TAF3: variants seen among roughly 807,000 people sequenced by gnomAD.
The protein encoded by TAF3 is transcription initiation factor TFIID subunit 3.
Under a neutral mutation model 80.6 loss-of-function variants are expected in TAF3, and 7 were observed. The observed-to-expected ratio is 0.09, with a 90% CI of 0.05 to 0.16. TAF3 has a LOEUF of 0.16. Among genes scored for constraint, TAF3 ranks in the 10% least tolerant of loss-of-function variants. The pLI, the probability that TAF3 is intolerant of heterozygous loss-of-function variation, is 1.00. For synonymous variants in TAF3, 444 were observed against 446.1 expected, an observed-to-expected ratio of 1.00 and a Z score of 0.06; for missense variants, 921 against 1,140.2, an observed-to-expected ratio of 0.81 and a Z score of 2.77.
intron 4 of TAF3, among the ~76,000 whole-genome samples, chr10:7,987,663 A>G (rs1445531603): frequency 3.9e-5 from 6 of 152,230 alleles, no homozygotes; most frequent in Admixed American, 6.5e-5. Flanking sequence ...GTACATGAGG[A>G]TGAAATGACC....
chr10:7,853,545 T>C (rs1219237887), intron 2 of TAF3, among the ~76,000 whole-genome samples: 1 of 152,236 alleles, frequency 6.6e-6, no homozygotes, highest in Non-Finnish European at 1.5e-5. Context: ...GAGGAAATAT[T>C]CTTCAACTGT....
At chr10:7,937,927 T>A (rs570038313) in intron 2 of TAF3, among the ~76,000 whole-genome samples, 86 of 152,342 alleles carry the variant, frequency 5.6e-4, no homozygotes, top group Non-Finnish European at 9.3e-4. Flanking sequence ...AACCCGCTTT[T>A]AAGACCAGTC....
intron 4 of TAF3, among the ~76,000 whole-genome samples, chr10:7,998,725 G>C (rs1057366313): frequency 6.6e-6 from 1 of 151,920 alleles, no homozygotes; most frequent in African/African-American, 2.4e-5. Context: ...CTCAATCCCA[G>C]CTACTCAGGA....
intron 2 of TAF3, among the ~76,000 whole-genome samples, chr10:7,830,781 A>T (rs1442428922): frequency 1.3e-5 from 2 of 151,848 alleles, no homozygotes; most frequent in East Asian, 1.9e-4. Context: ...ACCCCGCCCA[A>T]CCATGTCATT....
At chr10:7,955,141 G>T (rs779991090) in intron 2 of TAF3, among the ~76,000 whole-genome samples, 5 of 152,178 alleles carry the variant, frequency 3.3e-5, no homozygotes, top group African/African-American at 1.2e-4. Context: ...AAATTCAGAC[G>T]AATAGAAAGG....
Position 7,854,985 on chromosome 10 carries a change from A to G in TAF3, c.409+30425A>G, listed in dbSNP as rs1837064457. Among the ~76,000 whole-genome samples, 3 of 152,234 alleles carry G rather than the reference A, an allele frequency of 2.0e-5. No homozygotes were observed. In the South Asian group the frequency reaches 6.2e-4, roughly 32 times the overall value. On this transcript the variant is annotated intron_variant, in intron 2 of 6. Coordinates refer to ENST00000344293, the MANE Select transcript of TAF3 (RefSeq NM_031923.4). ...TAAGCTCCCTTATGTCACCATGCTA[A>G]AATTACAGTGAAGGGGTTTTAAGGT...
intron 2 of TAF3, among the ~76,000 whole-genome samples, chr10:7,935,090 A>G (rs1837903937): frequency 6.6e-6 from 1 of 152,056 alleles, no homozygotes; most frequent in South Asian, 2.1e-4. Context: ...CAGCCTGGCC[A>G]ACATGGTGAA....
intron 2 of TAF3, among the ~76,000 whole-genome samples, chr10:7,900,657 A>G (rs1037820584): frequency 2.0e-4 from 30 of 152,240 alleles, no homozygotes; most frequent in African/African-American, 6.5e-4. Flanking sequence ...TTTAATTACT[A>G]TAGAAAAACT....
At position 7,953,968 on chromosome 10, in the gene TAF3, G is replaced by C; in HGVS notation, c.410-9952G>C. Reference sequence around the variant, plus strand: ...ACAGAGCTCTCCCTAGTGAGATTCAGAGTGCACTCCACAGGTGAATGAGTG... The same window carrying C: ...ACAGAGCTCTCCCTAGTGAGATTCACAGTGCACTCCACAGGTGAATGAGTG... On this transcript the variant is annotated intron_variant, in intron 2 of 6. Coordinates refer to ENST00000344293, the MANE Select transcript of TAF3 (RefSeq NM_031923.4). 1.4e-5 allele frequency among the ~76,000 whole-genome samples: 2 copies of C among 143,150 alleles called. 1 individual carries two copies. The highest frequency in any genetic ancestry group is 5.0e-5 in the African/African-American group (2 of 39,922). The allele number at this position is 143,150 out of a possible 152,430, so 93.9% of individuals were successfully genotyped here.
chr10:7,917,337 G>A (rs998391999), intron 2 of TAF3, among the ~76,000 whole-genome samples: 1 of 152,206 alleles, frequency 6.6e-6, no homozygotes, highest in African/African-American at 2.4e-5. Context: ...GGATAGCTCA[G>A]GTGAAAACAT....
intron 2 of TAF3, among the ~76,000 whole-genome samples, chr10:7,843,386 G>C (rs1030410655): frequency 6.6e-5 from 10 of 151,896 alleles, no homozygotes; most frequent in African/African-American, 2.4e-4. Flanking sequence ...TGGAATAACA[G>C]GCATGAGCCA....
intron 2 of TAF3, among the ~76,000 whole-genome samples, chr10:7,944,203 C>T (rs1838003478): frequency 6.6e-6 from 1 of 150,390 alleles, no homozygotes; most frequent in African/African-American, 2.5e-5. Context: ...ATTTTATTTT[C>T]TGTCTACTTA....
At chr10:7,923,717 CAA>C (rs919263828) in intron 2 of TAF3, among the ~76,000 whole-genome samples, 126 of 149,554 alleles carry the variant, frequency 8.4e-4, no homozygotes, top group African/African-American at 3.0e-3. Flanking sequence ...CTTTTAAACA[CAA>C]AAAAAAAGGA....
chr10:7,996,337 G>A (rs926341785), intron 4 of TAF3, among the ~76,000 whole-genome samples: 2 of 152,156 alleles, frequency 1.3e-5, no homozygotes, highest in Admixed American at 6.5e-5. Context: ...AGTGTAGCTG[G>A]CTGTCCCCAT....
intron 4 of TAF3, among the ~76,000 whole-genome samples, chr10:7,989,881 C>T (rs765937125): frequency 2.6e-5 from 4 of 152,158 alleles, no homozygotes; most frequent in Non-Finnish European, 4.4e-5. Flanking sequence ...TGTATGTCAA[C>T]TCTGGCTGTG....
At chr10:7,846,822 TA>T (rs1446787396) in intron 2 of TAF3, among the ~76,000 whole-genome samples, 50 of 152,272 alleles carry the variant, frequency 3.3e-4, no homozygotes, top group Admixed American at 3.2e-3. Context: ...CCAAATATGC[TA>T]AAAAAGACTA....
At chr10:7,887,232 T>TAAAA (rs528310249) in intron 2 of TAF3, among the ~76,000 whole-genome samples, 1 of 139,518 alleles carries the variant, frequency 7.2e-6, no homozygotes, top group Non-Finnish European at 1.5e-5. Flanking sequence ...ACTCTGTATT[T>TAAAA]AAAAAAAAAA....
intron 2 of TAF3, among the ~76,000 whole-genome samples, chr10:7,891,093 A>G (rs551179066): frequency 2.6e-5 from 4 of 152,336 alleles, no homozygotes; most frequent in African/African-American, 9.6e-5. Flanking sequence ...TTAGAGAAAA[A>G]TGGAGAGGAC....
chr10:7,925,350 A>C (rs1008775938), intron 2 of TAF3, among the ~76,000 whole-genome samples: 5 of 152,166 alleles, frequency 3.3e-5, no homozygotes, highest in African/African-American at 1.2e-4. Flanking sequence ...TTGGCTTTGC[A>C]CTCACCTTGG....
Sources: allele counts gnomAD v4.1 joint callset (sites outside exome capture counted in the v4.1 genomes callset), GRCh38; gene constraint gnomAD v4.1.1; transcripts MANE v1.5; gene names NCBI Gene and HGNC (gene_info 2026-07-23, HGNC 2026-07-21).